The following FAM184A variants were observed in gnomAD, a reference collection of about 807,000 sequenced individuals.
FAM184A encodes the protein protein FAM184A.
FAM184A carries 99 observed loss-of-function variants against 143.8 expected under a neutral mutation model. The ratio of observed to expected loss-of-function variants is 0.69; its 90% CI spans 0.58 to 0.81. FAM184A has a LOEUF of 0.81. Among genes scored for constraint, FAM184A ranks in the 40% least tolerant of loss-of-function variants. The pLI, the probability that FAM184A is intolerant of heterozygous loss-of-function variation, is 0.00. For synonymous variants in FAM184A, 427 were observed against 446.4 expected, an observed-to-expected ratio of 0.96 and a Z score of 0.55; for missense variants, 1,217 against 1,310.5, an observed-to-expected ratio of 0.93 and a Z score of 1.10.
intron 1 of FAM184A, among the ~76,000 whole-genome samples, chr6:119,113,849 T>A (rs192856701): frequency 1.6e-3 from 244 of 152,148 alleles, no homozygotes; most frequent in South Asian, 2.9e-3. Context: ...GGCTGAGGCA[T>A]GAGAACTGCT....
intron 7 of FAM184A, 61 bp downstream of exon 7, chr6:119,006,386 A>G (rs2114647850): frequency 6.5e-7 from 1 of 1,538,080 alleles, no homozygotes; most frequent in South Asian, 1.2e-5. Flanking sequence ...CTCTAGGTCA[A>G]ATGGCTAAAT....
chr6:118,987,725 A>C (rs962378078), intron 9 of FAM184A, among the ~76,000 whole-genome samples: 8 of 152,162 alleles, frequency 5.3e-5, no homozygotes, highest in Non-Finnish European at 1.0e-4. Context: ...GTTTAACAAC[A>C]AAAAAATTTT....
intron 1 of FAM184A, among the ~76,000 whole-genome samples, chr6:119,143,540 C>T (rs896814968): frequency 6.6e-6 from 1 of 152,166 alleles, no homozygotes; most frequent in Non-Finnish European, 1.5e-5. Context: ...TCACAATAGC[C>T]AAGAGGTGGA....
At chr6:119,089,692 A>T (rs1284480487) in intron 1 of FAM184A, among the ~76,000 whole-genome samples, 1 of 152,134 alleles carries the variant, frequency 6.6e-6, no homozygotes, top group Non-Finnish European at 1.5e-5. Flanking sequence ...TCCACCTCCT[A>T]ACACACCCAA....
At chr6:119,140,504 G>A (rs1008813372) in intron 1 of FAM184A, among the ~76,000 whole-genome samples, 1 of 152,182 alleles carries the variant, frequency 6.6e-6, no homozygotes, top group African/African-American at 2.4e-5. Flanking sequence ...CAAACTCACA[G>A]GGCGTTTCTT....
At chr6:119,047,052 T>TA (rs11403322) in intron 1 of FAM184A, among the ~76,000 whole-genome samples, 101,471 of 151,814 alleles carry the variant, frequency 0.67, 35,830 homozygotes, top group South Asian at 0.79. Flanking sequence ...AATAATCTGA[T>TA]AAAAAAATGG....
intron 1 of FAM184A, among the ~76,000 whole-genome samples, chr6:119,076,240 G>A (rs948578220): frequency 1.3e-5 from 2 of 152,180 alleles, no homozygotes; most frequent in African/African-American, 4.8e-5. Context: ...TCAATAGCGT[G>A]ACACTGAGAA....
At position 119,011,062 on chromosome 6, in the gene FAM184A, A is replaced by G. The variant is rs1582500744; in HGVS notation, c.1653+247T>C. The G allele has an allele frequency of 1.4e-5, 5 of 345,590 alleles. 1 individual carries two copies. Among genetic ancestry groups the G allele is most frequent in the South Asian group, 4.3e-5 (1 of 23,150 alleles). The allele number at this position is 345,590 out of a possible 1,614,324, so 21.4% of individuals were successfully genotyped here. A position where few individuals can be genotyped will look rare whatever the true frequency, so the allele number is the denominator to read the frequency against. On this transcript the variant is annotated intron_variant, in intron 6 of 17. Coordinates refer to ENST00000338891, the MANE Select transcript of FAM184A (RefSeq NM_024581.6). ...GAGAACTCTCTCTTGTTCTTTTCCTATGTGGTGATATTCTGTTTTGCTTCT... is the reference window on the plus strand; with the variant it reads ...GAGAACTCTCTCTTGTTCTTTTCCTGTGTGGTGATATTCTGTTTTGCTTCT...
At chr6:119,133,560 G>A (rs546613154) in intron 1 of FAM184A, among the ~76,000 whole-genome samples, 73 of 152,032 alleles carry the variant, frequency 4.8e-4, no homozygotes, top group Non-Finnish European at 8.5e-4. Flanking sequence ...CCTGACTTGC[G>A]GTAAGTTGGG....
chr6:118,963,876 T>C (rs575531817), intron 16 of FAM184A: 13 of 152,150 alleles, frequency 8.5e-5, no homozygotes, highest in Admixed American at 6.6e-4. Flanking sequence ...TGAACAAATA[T>C]TTACTGAATA....
chr6:119,123,618 C>T (rs1031803296), intron 1 of FAM184A, among the ~76,000 whole-genome samples: 4 of 152,130 alleles, frequency 2.6e-5, no homozygotes, highest in African/African-American at 9.7e-5. Context: ...AGTCTGACCC[C>T]GGCTCCCATC....
At chr6:119,064,718 A>G (rs1415219803) in intron 1 of FAM184A, among the ~76,000 whole-genome samples, 1 of 152,234 alleles carries the variant, frequency 6.6e-6, no homozygotes, top group East Asian at 1.9e-4. Flanking sequence ...AAAAACAACA[A>G]CAAAAAACTG....
At chr6:119,086,646 T>TATC (rs1283110561) in intron 1 of FAM184A, among the ~76,000 whole-genome samples, 1 of 152,172 alleles carries the variant, frequency 6.6e-6, no homozygotes, top group African/African-American at 2.4e-5. Context: ...GTGGAACAGG[T>TATC]ATCAAGATTA....
At chr6:119,029,679 A>G (rs1442230653) in intron 1 of FAM184A, among the ~76,000 whole-genome samples, 4 of 152,226 alleles carry the variant, frequency 2.6e-5, no homozygotes, top group Non-Finnish European at 5.9e-5. Context: ...AAGTTAGAAT[A>G]GGATTTAAGT....
At chr6:119,023,348 A>G (rs1344089594) in intron 2 of FAM184A, among the ~76,000 whole-genome samples, 1 of 152,180 alleles carries the variant, frequency 6.6e-6, no homozygotes, top group East Asian at 1.9e-4. Context: ...CCAACAAAAC[A>G]AAACTTGTGG....
rs753763754 is a variant in FAM184A at position 118,975,078 on chromosome 6, T to G, written c.2714A>C (p.Glu905Ala). Residue 905 changes from glutamate to alanine, a missense_variant, in exon 13 of 18, where the codon GAA (glutamate) becomes GCA (alanine). By Grantham distance (107) the Glu-to-Ala change is moderately radical. Transcript: ENST00000338891. The stretch of plus-strand genomic sequence containing the variant: ...TCTGAGAATTTCTTTCCCCTTAAAT[T>G]CCAGTTCTTTGGTTAGGGCACTTAT... The part of the protein sequence containing the change: ...ENISALTKEL[E>A]FKGKEILRIR... 30 of 1,613,432 alleles carry G rather than the reference T, an allele frequency of 1.9e-5. No homozygotes were observed. Among genetic ancestry groups the G allele is most frequent in the Non-Finnish European group, 2.5e-5 (29 of 1,179,734 alleles).
At chr6:119,011,736 AAATTCTT>A (rs2114660790) in intron 5 of FAM184A, among the ~76,000 whole-genome samples, 1 of 152,312 alleles carries the variant, frequency 6.6e-6, no homozygotes, top group East Asian at 1.9e-4. Context: ...CTTGAATTCA[AAATTCTT>A]TTTTTCCCTC....
Position 119,015,645 on chromosome 6 carries a change from G to A in FAM184A, c.1530+1102C>T, listed in dbSNP as rs566372298. Among the ~76,000 whole-genome samples the A allele has an allele frequency of 4.6e-5, 7 of 152,276 alleles. No individual in the cohort carries two copies. The South Asian group carries it at 6.2e-4, about 14-fold the overall frequency. ...TTCCTGTGCAACCCGAGCCTCCCCC[G>A]ACGAATGCTGCCCCCTGCTCCACGG... On this transcript the variant is annotated intron_variant, in intron 5 of 17. Transcript: ENST00000338891.
intron 1 of FAM184A, among the ~76,000 whole-genome samples, chr6:119,031,772 T>G (rs1036561732): frequency 2.6e-5 from 4 of 152,150 alleles, no homozygotes; most frequent in Admixed American, 6.5e-5. Flanking sequence ...AGGCTTAACA[T>G]TGCTAAGGTA....
Sources: gnomAD v4.1 joint callset for allele counts (sites outside exome capture counted in the v4.1 genomes callset) on GRCh38, gnomAD v4.1.1 for gene constraint, MANE v1.5 for transcripts, NCBI Gene and HGNC (gene_info 2026-07-23, HGNC 2026-07-21) for gene names.